The following GABRG1 variants were observed in gnomAD, a reference collection of about 807,000 sequenced individuals.
GABRG1 encodes gamma-aminobutyric acid receptor subunit gamma-1.
In GABRG1, 49 loss-of-function variants were observed where a neutral mutation model predicts 49.8. That is an observed-to-expected ratio of 0.98 (90% CI 0.78 to 1.25). GABRG1 has a LOEUF of 1.25. Among genes scored for constraint, GABRG1 ranks in the 50% most tolerant of loss-of-function variants. The pLI is 0.00. For synonymous variants in GABRG1, 232 were observed against 185.1 expected (o/e 1.25, Z -2.06); for missense variants, 552 against 552.3 (o/e 1.00, Z 0.01).
chr4:46,123,142 A>G (rs1001396593), intron 1 of GABRG1, among the ~76,000 whole-genome samples: 3 of 148,376 alleles, frequency 2.0e-5, no homozygotes, highest in Admixed American at 2.0e-4. Flanking sequence ...ACACACACAC[A>G]CAGAGCCAAG....
chr4:46,087,744 C>T (rs1033843695), intron 2 of GABRG1, among the ~76,000 whole-genome samples: 4 of 151,826 alleles, frequency 2.6e-5, no homozygotes, highest in African/African-American at 9.7e-5. Flanking sequence ...GACTATACAG[C>T]AGAAGTCTTT....
chr4:46,056,151 T>TAAAAAAAAAAAAAAAAAAAAAAA (rs1182116080), intron 7 of GABRG1, among the ~76,000 whole-genome samples: 1 of 9,144 alleles, frequency 1.1e-4, no homozygotes. Context: ...ATAAATAAAT[T>TAAAAAAAAAAAAAAAAAAAAAAA]AAAAAAAAAA....
At chr4:46,043,805 T>G (rs1311940166) in intron 8 of GABRG1, among the ~76,000 whole-genome samples, 1 of 151,938 alleles carries the variant, frequency 6.6e-6, no homozygotes, top group Admixed American at 6.6e-5. Flanking sequence ...TTTTGAGAAA[T>G]TCATCAAATT....
intron 5 of GABRG1, among the ~76,000 whole-genome samples, chr4:46,058,870 A>G (rs1007079885): frequency 1.3e-5 from 2 of 152,070 alleles, no homozygotes; most frequent in African/African-American, 2.4e-5. Flanking sequence ...AGAAAACCCA[A>G]TATGTCCACC....
intron 7 of GABRG1, among the ~76,000 whole-genome samples, chr4:46,053,834 G>A (rs891987481): frequency 9.2e-5 from 14 of 151,888 alleles, no homozygotes; most frequent in Admixed American, 2.0e-4. Context: ...ATTACCTTGA[G>A]AAGAACATAG....
At chr4:46,106,908 A>AT (rs905313398) in intron 1 of GABRG1, among the ~76,000 whole-genome samples, 1 of 151,128 alleles carries the variant, frequency 6.6e-6, no homozygotes, top group African/African-American at 2.4e-5. Flanking sequence ...ACATTTAATC[A>AT]TTTTTTTAAT....
At chr4:46,070,835 C>G (rs1560358359) in intron 3 of GABRG1, among the ~76,000 whole-genome samples, 1 of 152,020 alleles carries the variant, frequency 6.6e-6, no homozygotes, top group South Asian at 2.1e-4. Flanking sequence ...CTTTAAAGTG[C>G]TCATCTGACT....
intron 7 of GABRG1, among the ~76,000 whole-genome samples, chr4:46,055,109 A>G: frequency 3.4e-5 from 1 of 29,452 alleles, no homozygotes; most frequent in Admixed American, 3.8e-4. Context: ...AATGGGATCT[A>G]ATTAAACTAA....
At chr4:46,098,283 A>G (rs1720256027) in intron 1 of GABRG1, among the ~76,000 whole-genome samples, 1 of 151,772 alleles carries the variant, frequency 6.6e-6, no homozygotes, top group Non-Finnish European at 1.5e-5. Flanking sequence ...TTTATTGCCC[A>G]TAAGTAACGC....
intron 3 of GABRG1, among the ~76,000 whole-genome samples, chr4:46,080,692 G>A (rs1264101489): frequency 6.6e-6 from 1 of 151,612 alleles, no homozygotes. Flanking sequence ...ATACATCCTT[G>A]AATCTTGTTT....
chr4:46,101,693 A>G (rs1363529797), intron 1 of GABRG1, among the ~76,000 whole-genome samples: 5 of 151,750 alleles, frequency 3.3e-5, no homozygotes, highest in Non-Finnish European at 7.4e-5. Flanking sequence ...TCAGACATTA[A>G]GATGCTTATC....
At chr4:46,102,219 T>G (rs1026444435) in intron 1 of GABRG1, among the ~76,000 whole-genome samples, 2 of 151,694 alleles carry the variant, frequency 1.3e-5, no homozygotes, top group African/African-American at 4.8e-5. Context: ...TTGGTTCTCC[T>G]GCTGTGAGAA....
At chr4:46,044,093 C>G (rs2109392632) in intron 8 of GABRG1, among the ~76,000 whole-genome samples, 1 of 152,124 alleles carries the variant, frequency 6.6e-6, no homozygotes, top group Middle Eastern at 3.4e-3. Context: ...AAATGCCAAA[C>G]TAAGCACTGT....
At chr4:46,114,696 G>C (rs1381108829) in intron 1 of GABRG1, among the ~76,000 whole-genome samples, 2 of 150,886 alleles carry the variant, frequency 1.3e-5, no homozygotes, top group Non-Finnish European at 3.0e-5. Context: ...GCTATTTTCA[G>C]ATAAAATTAC....
At chr4:46,093,163 C>T (rs900070130) in intron 2 of GABRG1, among the ~76,000 whole-genome samples, 6 of 150,716 alleles carry the variant, frequency 4.0e-5, no homozygotes, top group African/African-American at 1.5e-4. Flanking sequence ...AAAATGTATT[C>T]TACAGACCAG....
chr4:46,079,457 T>A (rs888088382), intron 3 of GABRG1, among the ~76,000 whole-genome samples: 4 of 151,958 alleles, frequency 2.6e-5, no homozygotes, highest in African/African-American at 9.7e-5. Flanking sequence ...GTGTGATATA[T>A]CACTTTTGCG....
chr4:46,089,051 T>C (rs959426324), intron 2 of GABRG1, among the ~76,000 whole-genome samples: 2 of 152,008 alleles, frequency 1.3e-5, no homozygotes, highest in African/African-American at 4.8e-5. Context: ...TATTTTATTT[T>C]CTTGTGGGTA....
Position 46,124,010 on chromosome 4 carries a change from AGT to A in GABRG1, c.-99_-98del. 1.1e-6 allele frequency: 1 copy of A among 873,718 alleles called. No individual in the cohort carries two copies. Among genetic ancestry groups the A allele is most frequent in the South Asian group, 1.5e-5 (1 of 65,540 alleles). The allele number at this position is 873,718 out of a possible 1,614,324, so 54.1% of individuals were successfully genotyped here. ...GCAGCTGGCTGAGTACAGAAGGGAG[AGT>A]GTGGAAAGGCAGTGCACCTCCCAAA... On this transcript the variant is annotated 5_prime_UTR_variant, in exon 1 of 9. Coordinates refer to ENST00000295452, the MANE Select transcript of GABRG1 (RefSeq NM_173536.4).
intron 2 of GABRG1, among the ~76,000 whole-genome samples, chr4:46,090,262 T>C (rs1274501405): frequency 6.6e-6 from 1 of 152,062 alleles, no homozygotes; most frequent in Non-Finnish European, 1.5e-5. Flanking sequence ...TTTAACCTAA[T>C]GTATTAAACA....
Sources: allele counts gnomAD v4.1 joint callset (sites outside exome capture counted in the v4.1 genomes callset), GRCh38; gene constraint gnomAD v4.1.1; transcripts MANE v1.5; gene names NCBI Gene and HGNC (gene_info 2026-07-23, HGNC 2026-07-21).